ZNF704: variants seen among roughly 807,000 people sequenced by gnomAD.
ZNF704 encodes the protein zinc finger protein 704.
A neutral mutation model predicts 44.7 loss-of-function variants in ZNF704; 10 were observed. That is an observed-to-expected ratio of 0.22 (90% CI 0.14 to 0.38). ZNF704 has a LOEUF of 0.38. Ranked by LOEUF, ZNF704 falls within the 10% of genes least tolerant of loss-of-function variation. The probability of loss-of-function intolerance (pLI) is 1.00; values close to 1 mark genes in which losing one functional copy is unlikely to be tolerated. For missense variants in ZNF704, 390 were observed against 545.5 expected, an observed-to-expected ratio of 0.71 and a Z score of 2.84; for synonymous variants, 211 against 207.6, an observed-to-expected ratio of 1.02 and a Z score of -0.14.
intron 6 of ZNF704, among the ~76,000 whole-genome samples, chr8:80,663,178 G>A (rs1014866675): frequency 3.3e-5 from 5 of 151,964 alleles, no homozygotes; most frequent in Admixed American, 2.0e-4. Context: ...ACAGGAGTTC[G>A]AGACCAGCCT....
At position 80,633,972 on chromosome 8, in the gene ZNF704, C is replaced by T. The variant is rs944522624; in HGVS notation, c.*7394G>A. ...TGGACACTCTGAAATAGCCTAAATG[C>T]CTACCAGTTCTGAAGCAAGGCTTCT... is the stretch of plus-strand genomic sequence containing the variant. On this transcript the variant is annotated 3_prime_UTR_variant, in exon 9 of 9. Coordinates refer to ENST00000327835, the MANE Select transcript of ZNF704 (RefSeq NM_001033723.3). 6 of 152,200 alleles carry T rather than the reference C, an allele frequency of 3.9e-5. No individual in the cohort carries two copies. The highest frequency in any genetic ancestry group is 5.9e-5 in the Non-Finnish European group (4 of 68,046). The allele number at this position is 152,200 out of a possible 1,614,324, so 9.4% of individuals were successfully genotyped here. A position where few individuals can be genotyped will look rare whatever the true frequency, so the allele number is the denominator to read the frequency against.
intron 2 of ZNF704, among the ~76,000 whole-genome samples, chr8:80,707,533 T>A (rs527323957): frequency 2.6e-5 from 4 of 152,310 alleles, no homozygotes; most frequent in Non-Finnish European, 4.4e-5. Flanking sequence ...AACTCTAACC[T>A]CTACACTGAC....
intron 7 of ZNF704, among the ~76,000 whole-genome samples, chr8:80,643,383 G>A (rs1817775517): frequency 1.3e-5 from 2 of 151,780 alleles, no homozygotes; most frequent in Non-Finnish European, 2.9e-5. Context: ...GCCAAGTTGG[G>A]GTTGTGTGCC....
At chr8:80,677,361 T>C (rs552338148) in intron 4 of ZNF704, among the ~76,000 whole-genome samples, 2 of 152,358 alleles carry the variant, frequency 1.3e-5, no homozygotes, top group African/African-American at 4.8e-5. Flanking sequence ...AGGTTGGTCC[T>C]GATTACAGAA....
At chr8:80,814,669 T>G (rs1443225580) in intron 2 of ZNF704, among the ~76,000 whole-genome samples, 1 of 152,222 alleles carries the variant, frequency 6.6e-6, no homozygotes, top group Non-Finnish European at 1.5e-5. Context: ...CCTCAAAATC[T>G]ATTTTTTAAA....
chr8:80,666,885 G>A (rs1418551803), intron 5 of ZNF704, among the ~76,000 whole-genome samples: 2 of 151,594 alleles, frequency 1.3e-5, no homozygotes, highest in African/African-American at 2.4e-5. Flanking sequence ...AGATGAGTAG[G>A]TTGCGAAAAT....
Position 80,637,182 on chromosome 8 carries a change from A to C in ZNF704, c.*4184T>G, listed in dbSNP as rs79528689. 3.1e-3 allele frequency: 467 copies of C among 149,710 alleles called. 3 individuals are homozygous for C. Among genetic ancestry groups the C allele is most frequent in the African/African-American group, 0.011 (413 of 39,258 alleles). The allele number at this position is 149,710 out of a possible 1,614,324, so 9.3% of individuals were successfully genotyped here. A position where few individuals can be genotyped will look rare whatever the true frequency, so the allele number is the denominator to read the frequency against. On this transcript the variant is annotated 3_prime_UTR_variant, in exon 9 of 9. Transcript: ENST00000327835. ...AATGTCAGTACTGCCCAGTTCACAT[A>C]AATTTGTCTTGAAATGATACCATGT...
At chr8:80,718,996 ACT>A (rs1293059693) in intron 2 of ZNF704, among the ~76,000 whole-genome samples, 1 of 151,290 alleles carries the variant, frequency 6.6e-6, no homozygotes, top group Non-Finnish European at 1.5e-5. Context: ...ACAGGGTCTC[ACT>A]CTGTTGTCCA....
At chr8:80,764,410 T>C (rs575940577) in intron 2 of ZNF704, among the ~76,000 whole-genome samples, 3 of 152,162 alleles carry the variant, frequency 2.0e-5, no homozygotes, top group Non-Finnish European at 4.4e-5. Flanking sequence ...CAGATGCTTA[T>C]AAAACCATCA....
intron 6 of ZNF704, among the ~76,000 whole-genome samples, chr8:80,661,265 T>C (rs764418362): frequency 1.6e-4 from 25 of 152,106 alleles, no homozygotes; most frequent in Non-Finnish European, 2.6e-4. Context: ...CCTAGTTAGA[T>C]TGGCTATTAT....
intron 3 of ZNF704, among the ~76,000 whole-genome samples, chr8:80,690,587 T>C (rs1243243601): frequency 6.6e-6 from 1 of 152,194 alleles, no homozygotes; most frequent in Non-Finnish European, 1.5e-5. Flanking sequence ...AATCCTTCTT[T>C]AGCACTGCCA....
At chr8:80,843,585 A>G (rs542755332) in intron 1 of ZNF704, among the ~76,000 whole-genome samples, 1 of 152,374 alleles carries the variant, frequency 6.6e-6, no homozygotes, top group Admixed American at 6.5e-5. Context: ...CAAGTGATAG[A>G]CACTATATAA....
chr8:80,694,855 C>CT (rs1471878363), intron 2 of ZNF704, among the ~76,000 whole-genome samples: 3 of 152,148 alleles, frequency 2.0e-5, no homozygotes, highest in Non-Finnish European at 2.9e-5. Context: ...ACCTTATGCT[C>CT]TTTTTTAGCA....
At chr8:80,781,211 C>A (rs879750396) in intron 2 of ZNF704, among the ~76,000 whole-genome samples, 1 of 151,994 alleles carries the variant, frequency 6.6e-6, no homozygotes, top group Non-Finnish European at 1.5e-5. Context: ...TGAGGTGGGG[C>A]TCAAAAATCC....
chr8:80,741,754 T>C (rs1344273526), intron 2 of ZNF704, among the ~76,000 whole-genome samples: 3 of 152,154 alleles, frequency 2.0e-5, no homozygotes, highest in Admixed American at 6.5e-5. Flanking sequence ...GAGGGGACCT[T>C]CTAGAGGTTC....
chr8:80,651,981 T>C (rs1817928003), intron 7 of ZNF704, among the ~76,000 whole-genome samples: 2 of 152,070 alleles, frequency 1.3e-5, no homozygotes, highest in South Asian at 2.1e-4. Flanking sequence ...CAGACCACAG[T>C]GCAATCAAAC....
At chr8:80,833,948 T>C (rs184760265) in intron 1 of ZNF704, among the ~76,000 whole-genome samples, 1 of 152,332 alleles carries the variant, frequency 6.6e-6, no homozygotes, top group Non-Finnish European at 1.5e-5. Context: ...ATTCAAGATC[T>C]GTTTAAGCAG....
intron 2 of ZNF704, among the ~76,000 whole-genome samples, chr8:80,796,871 A>AAAT (rs1182421194): frequency 7.3e-6 from 1 of 136,766 alleles, no homozygotes; most frequent in African/African-American, 3.6e-5. Flanking sequence ...AATGAAAGAG[A>AAAT]GAAAGAGAGA....
intron 2 of ZNF704, among the ~76,000 whole-genome samples, chr8:80,699,632 C>T (rs1283163391): frequency 1.3e-5 from 2 of 152,120 alleles, no homozygotes; most frequent in Non-Finnish European, 2.9e-5. Flanking sequence ...TTTCTGCACC[C>T]CTTCCTCTTA....
Sources: allele counts gnomAD v4.1 joint callset (sites outside exome capture counted in the v4.1 genomes callset), GRCh38; gene constraint gnomAD v4.1.1; transcripts MANE v1.5; gene names NCBI Gene and HGNC (gene_info 2026-07-23, HGNC 2026-07-21).